Variants in EYA1 observed in about 807,000 individuals in gnomAD.
EYA1 encodes the protein EYA transcriptional coactivator and phosphatase 1.
Under a neutral mutation model 82.0 loss-of-function variants are expected in EYA1, and 16 were observed. The ratio of observed to expected loss-of-function variants is 0.20; its 90% CI spans 0.13 to 0.30. The LOEUF is 0.30. EYA1 is among the 10% of genes least tolerant of loss of function. The probability of loss-of-function intolerance (pLI) is 1.00; values close to 1 mark genes in which losing one functional copy is unlikely to be tolerated. For missense variants in EYA1, 633 were observed against 730.7 expected (o/e 0.87, Z 1.54); for synonymous variants, 261 against 264.4 (o/e 0.99, Z 0.12).
intron 2 of EYA1, among the ~76,000 whole-genome samples, chr8:71,465,930 C>T (rs1808740034): frequency 6.6e-6 from 1 of 152,106 alleles, no homozygotes; most frequent in Non-Finnish European, 1.5e-5. Context: ...GATGGAAAGA[C>T]ACAATTTCTA....
intron 2 of EYA1, among the ~76,000 whole-genome samples, chr8:71,394,404 C>A (rs149856840): frequency 0.024 from 3,699 of 152,230 alleles, 145 homozygotes; most frequent in African/African-American, 0.082. Flanking sequence ...CGGTTTTCTT[C>A]TAGGGTTGTT....
chr8:71,391,906 C>T (rs77899105), intron 2 of EYA1, among the ~76,000 whole-genome samples: 3,934 of 152,276 alleles, frequency 0.026, 166 homozygotes, highest in African/African-American at 0.087. Context: ...CCTTCCCCAA[C>T]TTTCTCCTTT....
At chr8:71,256,076 G>A (rs1270490100) in intron 11 of EYA1, among the ~76,000 whole-genome samples, 1 of 152,204 alleles carries the variant, frequency 6.6e-6, no homozygotes, top group Non-Finnish European at 1.5e-5. Flanking sequence ...TGATGAGGAT[G>A]TGGAGAAATT....
intron 12 of EYA1, among the ~76,000 whole-genome samples, chr8:71,221,009 A>AATT (rs1809836894): frequency 6.6e-6 from 1 of 152,236 alleles, no homozygotes; most frequent in South Asian, 2.1e-4. Flanking sequence ...TACACGTGAT[A>AATT]ATTAAAATCA....
At chr8:71,201,063 C>A (rs1806937042) in intron 17 of EYA1, among the ~76,000 whole-genome samples, 2 of 146,496 alleles carry the variant, frequency 1.4e-5, no homozygotes, top group Non-Finnish European at 1.5e-5. Context: ...TGAGTGGCTG[C>A]AGGAGCCAGC....
At chr8:71,458,247 T>C (rs1426426177) in intron 2 of EYA1, among the ~76,000 whole-genome samples, 1 of 152,144 alleles carries the variant, frequency 6.6e-6, no homozygotes, top group African/African-American at 2.4e-5. Context: ...AACTCTGACT[T>C]ATATAGTCTG....
intron 7 of EYA1, among the ~76,000 whole-genome samples, chr8:71,306,092 T>C (rs1440526883): frequency 1.3e-5 from 2 of 152,178 alleles, no homozygotes; most frequent in Non-Finnish European, 2.9e-5. Context: ...GCTCTCACTG[T>C]GTTACTCACT....
At chr8:71,326,377 C>G (rs1823146085) in intron 4 of EYA1, among the ~76,000 whole-genome samples, 1 of 152,082 alleles carries the variant, frequency 6.6e-6, no homozygotes, top group Non-Finnish European at 1.5e-5. Context: ...GTCTGTTTTC[C>G]CAACAAAATA....
chr8:71,345,916 C>G (rs938718193), intron 3 of EYA1, among the ~76,000 whole-genome samples: 1 of 152,128 alleles, frequency 6.6e-6, no homozygotes, highest in African/African-American at 2.4e-5. Context: ...AACTTCATAT[C>G]TGGAGCCCTT....
chr8:71,356,362 G>C, intron 2 of EYA1, 100 bp downstream of exon 2: 1 of 997,378 alleles, frequency 1.0e-6, no homozygotes, highest in Middle Eastern at 2.2e-4. Flanking sequence ...AACAGAGGCT[G>C]TTACTATTAA....
intron 17 of EYA1, among the ~76,000 whole-genome samples, chr8:71,210,527 A>C (rs141689406): frequency 1.3e-5 from 2 of 152,158 alleles, no homozygotes; most frequent in Non-Finnish European, 2.9e-5. Context: ...GAGAGGCCCA[A>C]TGAGAAAGCT....
At chr8:71,457,013 T>C (rs1423664610) in intron 2 of EYA1, among the ~76,000 whole-genome samples, 2 of 152,204 alleles carry the variant, frequency 1.3e-5, no homozygotes, top group African/African-American at 2.4e-5. Flanking sequence ...TCTACTCATC[T>C]GACAAAGGGC....
chr8:71,290,350 A>G (rs1008727729), intron 9 of EYA1, among the ~76,000 whole-genome samples: 1 of 152,202 alleles, frequency 6.6e-6, no homozygotes, highest in Non-Finnish European at 1.5e-5. Flanking sequence ...AAATTATTAC[A>G]CTGATATGTG....
chr8:71,376,540 T>G (rs78327796), intron 2 of EYA1, among the ~76,000 whole-genome samples: 5,524 of 152,206 alleles, frequency 0.036, 159 homozygotes, highest in Non-Finnish European at 0.048. Context: ...AGAGGGTTAT[T>G]GTAGTAGTCC....
chr8:71,380,271 T>A (rs1028436287), intron 2 of EYA1, among the ~76,000 whole-genome samples: 12 of 152,232 alleles, frequency 7.9e-5, no homozygotes, highest in Non-Finnish European at 1.2e-4. Flanking sequence ...ACTTGTGGAT[T>A]GGCTTGAACC....
At chr8:71,509,937 C>T (rs553879670) in intron 2 of EYA1, among the ~76,000 whole-genome samples, 9 of 151,880 alleles carry the variant, frequency 5.9e-5, no homozygotes, top group Non-Finnish European at 8.8e-5. Flanking sequence ...AATTCAGAAG[C>T]AAAATTTAAT....
chr8:71,353,852 T>C (rs934382846), intron 3 of EYA1, among the ~76,000 whole-genome samples: 3 of 152,184 alleles, frequency 2.0e-5, no homozygotes, highest in Admixed American at 1.3e-4. Flanking sequence ...GGATAATTTA[T>C]TGAACTTCTA....
intron 2 of EYA1, among the ~76,000 whole-genome samples, chr8:71,520,292 C>T (rs1398249347): frequency 1.3e-5 from 2 of 152,024 alleles, no homozygotes; most frequent in East Asian, 3.9e-4. Context: ...GCTAGGCAGT[C>T]CCTGAGCACT....
At chr8:71,482,986 C>T (rs554335617) in intron 2 of EYA1, among the ~76,000 whole-genome samples, 18 of 152,122 alleles carry the variant, frequency 1.2e-4, no homozygotes, top group Non-Finnish European at 4.4e-5. Context: ...ATGCTCCTAC[C>T]ATGACTGCAC....
Sources: gnomAD v4.1 joint callset for allele counts (sites outside exome capture counted in the v4.1 genomes callset) on GRCh38, gnomAD v4.1.1 for gene constraint, MANE v1.5 for transcripts, NCBI Gene and HGNC (gene_info 2026-07-23, HGNC 2026-07-21) for gene names.